MAN1B1: variants seen among roughly 807,000 people sequenced by gnomAD.
MAN1B1 encodes endoplasmic reticulum mannosyl-oligosaccharide 1,2-alpha-mannosidase.
A neutral mutation model predicts 75.5 loss-of-function variants in MAN1B1; 66 were observed. The ratio of observed to expected loss-of-function variants is 0.87; its 90% CI spans 0.72 to 1.07. The LOEUF is 1.07. Ranked by LOEUF, MAN1B1 falls within the 50% of genes least tolerant of loss-of-function variation. The pLI, the probability that MAN1B1 is intolerant of heterozygous loss-of-function variation, is 0.00. For missense variants in MAN1B1, 973 were observed against 912.5 expected, an observed-to-expected ratio of 1.07 and a Z score of -0.85; for synonymous variants, 453 against 382.8, an observed-to-expected ratio of 1.18 and a Z score of -2.14.
intron 5 of MAN1B1, among the ~76,000 whole-genome samples, chr9:137,098,316 T>A (rs1830712634): frequency 6.6e-6 from 1 of 152,196 alleles, no homozygotes; most frequent in Admixed American, 6.5e-5. Flanking sequence ...GGTGCGGGCC[T>A]TCGGCCAAGC....
rs140883989 is a variant in MAN1B1 at position 137,107,400 on chromosome 9, C to T, written c.1717C>T (p.His573Tyr). The T allele has an allele frequency of 9.3e-6, 15 of 1,613,350 alleles. No individual in the cohort carries two copies. In the African/African-American group the frequency reaches 9.3e-5, roughly 10 times the overall value. The stretch of plus-strand genomic sequence containing the variant: ...GACGGGGCTGAGTCCCGAGATCGTG[C>T]ACTTCAACCTTTACCCCCAGCCGGG... ...METGLSPEIV[H>Y]FNLYPQPGRR... Residue 573 changes from histidine to tyrosine, a missense_variant, in exon 11 of 13, where the codon CAC becomes TAC. His to Tyr is a moderately conservative substitution (Grantham distance 83). Transcript: ENST00000371589.
In MAN1B1 at chr9:137,097,809, C is replaced by T; in HGVS notation, c.621-19C>T. ...ACAAATGTTTGACGGCAGCTGACAC[C>T]CTTCCTTCTCCCCCGAAGCTGGAGG... On this transcript the variant is annotated intron_variant, in intron 4 of 12. Transcript: ENST00000371589. The T allele has an allele frequency of 6.5e-7, 1 of 1,531,632 alleles. No homozygotes were observed. The highest frequency in any genetic ancestry group is 8.9e-7 in the Non-Finnish European group (1 of 1,129,432). The allele number at this position is 1,531,632 out of a possible 1,614,324, so 94.9% of individuals were successfully genotyped here. A position where few individuals can be genotyped will look rare whatever the true frequency, so the allele number is the denominator to read the frequency against.
In MAN1B1 at chr9:137,106,176, G is replaced by C. The variant is rs749956554; in HGVS notation, c.1306G>C (p.Asp436His). 3.1e-6 allele frequency: 5 copies of C among 1,612,710 alleles called. No homozygotes were observed. In the African/African-American group the frequency reaches 4.0e-5, roughly 13 times the overall value. ...CATCCACGGCCTGTCTGGGAAGAAG[G>C]ATGGGCTGGTGCCCATGTTCATCAA... ...QHIHGLSGKK[D>H]GLVPMFINTH... The change falls in exon 9 of 13, where the codon GAT becomes CAT. Residue 436 changes from aspartate to histidine, a missense_variant. Transcript: ENST00000371589.
intron 8 of MAN1B1, chr9:137,102,632 A>T (rs930483424): frequency 2.3e-6 from 1 of 441,682 alleles, no homozygotes; most frequent in Non-Finnish European, 4.5e-6. Flanking sequence ...GTGGTGTTAC[A>T]TTCACGCTGT....
At chr9:137,088,220 G>C (rs1381870730) in intron 2 of MAN1B1, 37 bp downstream of exon 2, 1 of 1,614,042 alleles carries the variant, frequency 6.2e-7, no homozygotes, top group Non-Finnish European at 8.5e-7. Context: ...CGATATCTGT[G>C]TTGAGGGTTG....
At position 137,088,976 on chromosome 9, in the gene MAN1B1, C is replaced by A; in HGVS notation, c.436C>A (p.Pro146Thr). 1 of 1,613,942 alleles carries A rather than the reference C, an allele frequency of 6.2e-7. No individual in the cohort carries two copies. The highest frequency in any genetic ancestry group is 2.2e-5 in the East Asian group (1 of 44,884). The change falls in exon 3 of 13, where the codon CCT (proline) becomes ACT (threonine). Residue 146 changes from proline to threonine, a missense_variant. Coordinates refer to ENST00000371589, the MANE Select transcript of MAN1B1 (RefSeq NM_016219.5). ...AGCTCCTCAGAAGGCGGACACCGAC[C>A]CTGAGAACTTACCTGAGATTTCGTC... ...LPAPQKADTD[P>T]ENLPEISSQK...
chr9:137,103,614 C>G, intron 8 of MAN1B1: 1 of 438,930 alleles, frequency 2.3e-6, no homozygotes, highest in Non-Finnish European at 4.6e-6. Context: ...TACACACATT[C>G]ATGCTGTTGC....
chr9:137,102,687 CAG>C (rs1564291777), intron 8 of MAN1B1: 1 of 446,086 alleles, frequency 2.2e-6, no homozygotes. Context: ...CACACTGTTG[CAG>C]ACATGCAGGT....
chr9:137,098,025 G>T, intron 5 of MAN1B1, 88 bp downstream of exon 5: 2 of 1,031,014 alleles, frequency 1.9e-6, no homozygotes, highest in Non-Finnish European at 3.0e-6. Context: ...ATGGTGGGTG[G>T]CGCCCCCGCC....
chr9:137,108,733 G>C lies in MAN1B1; in HGVS notation c.*142G>C. On this transcript the variant is annotated 3_prime_UTR_variant, in exon 13 of 13. Transcript: ENST00000371589. ...TGGCTCTGGGCTCCTCCTCGTCTCT[G>C]CTTTAATCAGGACACCGTGAGGACA... 1 of 792,702 alleles carries C rather than the reference G, an allele frequency of 1.3e-6. No homozygotes were observed. Among genetic ancestry groups the C allele is most frequent in the Non-Finnish European group, 2.2e-6 (1 of 457,976 alleles). The allele number at this position is 792,702 out of a possible 1,614,324, so 49.1% of individuals were successfully genotyped here.
chr9:137,091,869 A>G (rs1401904016), intron 3 of MAN1B1, among the ~76,000 whole-genome samples: 1 of 152,086 alleles, frequency 6.6e-6, no homozygotes, highest in Non-Finnish European at 1.5e-5. Flanking sequence ...TGTTGCCCAG[A>G]CTGGTCTCCA....
rs1830382792 is a variant in MAN1B1, at chr9:137,087,027, G to C, written c.28G>C (p.Gly10Arg). 1 of 1,601,854 alleles carries C rather than the reference G, an allele frequency of 6.2e-7. No individual in the cohort carries two copies. Among genetic ancestry groups the C allele is most frequent in the Middle Eastern group, 1.7e-4 (1 of 5,958 alleles). Residue 10 changes from glycine (G) to arginine (R), a missense_variant, in exon 1 of 13, where the codon GGA (glycine) becomes CGA (arginine). Coordinates refer to ENST00000371589, the MANE Select transcript of MAN1B1 (RefSeq NM_016219.5). ...GGCTGCCTGCGAGGGCAGGAGAAGC[G>C]GAGCTCTCGGTTCCTCTCAGTCGGA... MAACEGRRS[G>R]ALGSSQSDFL... is the part of the protein sequence containing the mutation.
Position 137,099,855 on chromosome 9 carries a change from C to A in MAN1B1, c.890C>A (p.Thr297Asn). The A allele has an allele frequency of 6.2e-7, 1 of 1,614,180 alleles. No homozygotes were observed. Among genetic ancestry groups the A allele is most frequent in the South Asian group, 1.1e-5 (1 of 91,086 alleles). ...CTCACACTGATCGACGCGCTGGACA[C>A]CATGTGGATCTTGGGTCTGAGGAAA... ...LGLTLIDALD[T>N]MWILGLRKEF... The change falls in exon 6 of 13, where the codon ACC becomes AAC. Residue 297 changes from threonine (T) to asparagine (N), a missense_variant. Thr to Asn is a moderately conservative substitution (Grantham distance 65). Transcript: ENST00000371589.
rs369034217 is a variant in MAN1B1 at position 137,100,017 on chromosome 9, GT to G, written c.916+137del. ...GTTTTCCCTTCTCCTGGGTGCGGGAGTGGACGTGTTGGCTGTGGTCAGTTCC... is the reference window on the plus strand; with the variant it reads ...GTTTTCCCTTCTCCTGGGTGCGGGAGGGACGTGTTGGCTGTGGTCAGTTCC... On this transcript the variant is annotated intron_variant, in intron 6 of 12. Coordinates refer to ENST00000371589, the MANE Select transcript of MAN1B1 (RefSeq NM_016219.5). 2.1e-3 allele frequency: 2,129 copies of G among 1,022,700 alleles called. 16 individuals carry two copies. Among genetic ancestry groups the G allele is most frequent in the East Asian group, 8.3e-3 (343 of 41,162 alleles). 63.4% of individuals were successfully genotyped at this position (1,022,700 alleles called of 1,614,324 possible).
chr9:137,096,523 T>G (rs1411994721), intron 4 of MAN1B1, 132 bp downstream of exon 4: 1 of 1,247,664 alleles, frequency 8.0e-7, no homozygotes, highest in Non-Finnish European at 1.1e-6. Flanking sequence ...TAATCTGTCC[T>G]CATTAACCTT....
chr9:137,103,708 G>C (rs200725202), intron 8 of MAN1B1: 5 of 435,696 alleles, frequency 1.1e-5, no homozygotes, highest in African/African-American at 4.2e-5. Flanking sequence ...TGTTGCAGGC[G>C]TGCAGGTCCG....
chr9:137,108,539 C>T lies in MAN1B1; in HGVS notation c.2048C>T (p.Ala683Val), dbSNP rs1831200219. 6.2e-7 allele frequency: 1 copy of T among 1,613,798 alleles called. No individual in the cohort carries two copies. Among genetic ancestry groups the T allele is most frequent in the Admixed American group, 1.7e-5 (1 of 60,004 alleles). Residue 683 changes from alanine (A) to valine (V), a missense_variant, in exon 13 of 13, where the codon GCC (alanine) becomes GTC (valine). Transcript: ENST00000371589. The part of the protein sequence containing the change: ...SDDPNLLSLD[A>V]YVFNTEAHPL... ...GACCCAAACCTGCTCAGCCTGGATG[C>T]CTACGTGTTCAACACCGAAGCCCAC...
rs749622883 is a variant in MAN1B1 at position 137,101,001 on chromosome 9, A to G, written c.917-4A>G. 5 of 1,614,162 alleles carry G rather than the reference A, an allele frequency of 3.1e-6. No individual in the cohort carries two copies. The South Asian group carries it at 5.5e-5, about 18-fold the overall frequency. On this transcript the variant is annotated splice_polypyrimidine_tract_variant and splice_region_variant and intron_variant, in intron 6 of 12. Transcript: ENST00000371589. ...TCTGCATCCTTTACTGTTTTATGTCATAGAATTTGAGGAAGCCAGGAAGTG... is the reference window on the plus strand; with the variant it reads ...TCTGCATCCTTTACTGTTTTATGTCGTAGAATTTGAGGAAGCCAGGAAGTG...
intron 6 of MAN1B1, among the ~76,000 whole-genome samples, chr9:137,100,283 A>G (rs1305531976): frequency 6.6e-6 from 1 of 152,214 alleles, no homozygotes; most frequent in Non-Finnish European, 1.5e-5. Context: ...TATTTAAGCG[A>G]TAATTTAAAC....
Sources: gnomAD v4.1 joint callset for allele counts (sites outside exome capture counted in the v4.1 genomes callset) on GRCh38, gnomAD v4.1.1 for gene constraint, MANE v1.5 for transcripts, NCBI Gene and HGNC (gene_info 2026-07-23, HGNC 2026-07-21) for gene names.